MALRD1: variants seen among roughly 807,000 people sequenced by gnomAD.
MALRD1 encodes the protein MAM and LDL-receptor class A domain-containing protein 1.
In MALRD1, 247 loss-of-function variants were observed where a neutral mutation model predicts 242.1. The observed-to-expected ratio is 1.02, with a 90% CI of 0.92 to 1.13. The LOEUF (loss-of-function observed/expected upper bound fraction) is 1.13, where lower values mean the gene tolerates loss of function less well. Among genes scored for constraint, MALRD1 ranks in the 50% most tolerant of loss-of-function variants. The probability of loss-of-function intolerance (pLI) is 0.00; values close to 1 mark genes in which losing one functional copy is unlikely to be tolerated. For missense variants in MALRD1, 2,989 were observed against 2,533.1 expected (o/e 1.18, Z -3.86); for synonymous variants, 995 against 866.6 (o/e 1.15, Z -2.60).
intron 18 of MALRD1, among the ~76,000 whole-genome samples, chr10:19,229,448 A>T (rs1837954248): frequency 6.6e-6 from 1 of 152,142 alleles, no homozygotes; most frequent in South Asian, 2.1e-4. Flanking sequence ...GAGAGAAGGC[A>T]ATGGCTCTGC....
At chr10:19,479,224 C>T (rs369834529) in intron 29 of MALRD1, among the ~76,000 whole-genome samples, 10 of 152,082 alleles carry the variant, frequency 6.6e-5, no homozygotes, top group Non-Finnish European at 1.5e-5. Flanking sequence ...TTATCTGTTA[C>T]AGAGTAAAGA....
At position 19,136,623 on chromosome 10, in the gene MALRD1, A is replaced by G; in HGVS notation, c.1253A>G (p.Asp418Gly). 2 of 1,231,614 alleles carry G rather than the reference A, an allele frequency of 1.6e-6. No homozygotes were observed. The highest frequency in any genetic ancestry group is 1.6e-5 in the African/African-American group (1 of 64,476). The allele number at this position is 1,231,614 out of a possible 1,614,324, so 76.3% of individuals were successfully genotyped here. A position where few individuals can be genotyped will look rare whatever the true frequency, so the allele number is the denominator to read the frequency against. Residue 418 changes from aspartate (D) to glycine (G), a missense_variant, in exon 10 of 40, where the codon GAT (aspartate) becomes GGT (glycine). Physicochemically the swap from Asp to Gly is moderately conservative, Grantham distance 94. Transcript: ENST00000454679. ...AGCCAGAGAAGTTTTATTGCCCTTG[A>G]TCACCTCTGGGTCTATGCCTGTGGA... ...LLSQRSFIALDHLWVYACGQT... is the reference protein window; with the variant it reads ...LLSQRSFIALGHLWVYACGQT...
intron 26 of MALRD1, among the ~76,000 whole-genome samples, chr10:19,378,211 G>A (rs188142511): frequency 1.1e-4 from 17 of 152,202 alleles, no homozygotes; most frequent in Admixed American, 2.0e-4. Context: ...TAAACAATAT[G>A]TATTCAATTA....
intron 34 of MALRD1, among the ~76,000 whole-genome samples, chr10:19,602,587 G>C (rs1181242534): frequency 2.0e-5 from 3 of 151,876 alleles, no homozygotes. Flanking sequence ...TCTTAATCCA[G>C]TCTATCATTG....
chr10:19,167,239 G>A (rs982908595), intron 13 of MALRD1, among the ~76,000 whole-genome samples: 12 of 152,004 alleles, frequency 7.9e-5, no homozygotes, highest in Admixed American at 3.3e-4. Context: ...CGTGCCTGTA[G>A]TCCCAGCTAC....
chr10:19,626,512 A>G (rs1348998011), intron 36 of MALRD1, among the ~76,000 whole-genome samples: 2 of 152,048 alleles, frequency 1.3e-5, no homozygotes, highest in African/African-American at 2.4e-5. Flanking sequence ...AGCGAGATAG[A>G]TGGACATAAG....
At chr10:19,640,016 G>T (rs2131675337) in intron 36 of MALRD1, among the ~76,000 whole-genome samples, 1 of 152,276 alleles carries the variant, frequency 6.6e-6, no homozygotes, top group South Asian at 2.1e-4. Context: ...AATGCATAGG[G>T]AGTAAATGCA....
chr10:19,083,752 G>A (rs894966719), intron 2 of MALRD1, among the ~76,000 whole-genome samples: 28 of 151,886 alleles, frequency 1.8e-4, no homozygotes, highest in Admixed American at 6.6e-4. Flanking sequence ...AAAGTTAAAT[G>A]TGAAACTGGA....
At chr10:19,142,483 T>G (rs1240889119) in intron 10 of MALRD1, among the ~76,000 whole-genome samples, 1 of 152,174 alleles carries the variant, frequency 6.6e-6, no homozygotes, top group African/African-American at 2.4e-5. Context: ...AAATTCTTTC[T>G]TGTCTGCCCA....
At chr10:19,531,493 T>G in intron 32 of MALRD1, 142 bp downstream of exon 32, 2 of 811,528 alleles carry the variant, frequency 2.5e-6, no homozygotes, top group Non-Finnish European at 3.6e-6. Flanking sequence ...TCTGGGGCAG[T>G]GGGACTTTGG....
chr10:19,058,751 T>G (rs1180469630), intron 1 of MALRD1, among the ~76,000 whole-genome samples: 2 of 152,046 alleles, frequency 1.3e-5, no homozygotes, highest in African/African-American at 4.8e-5. Flanking sequence ...GAAATGACCA[T>G]GTATGATGAA....
chr10:19,673,763 T>A (rs1842025547), intron 36 of MALRD1, among the ~76,000 whole-genome samples: 1 of 152,174 alleles, frequency 6.6e-6, no homozygotes, highest in Non-Finnish European at 1.5e-5. Flanking sequence ...GTTACTTTTT[T>A]ATGATTTATA....
intron 36 of MALRD1, among the ~76,000 whole-genome samples, chr10:19,664,288 G>T (rs1326974): frequency 0.028 from 4,327 of 152,072 alleles, 197 homozygotes; most frequent in African/African-American, 0.088. Context: ...TGATTAATTA[G>T]ATCTAATTTA....
At chr10:19,534,794 C>A (rs554908360) in intron 32 of MALRD1, among the ~76,000 whole-genome samples, 1 of 151,932 alleles carries the variant, frequency 6.6e-6, no homozygotes, top group Non-Finnish European at 1.5e-5. Flanking sequence ...ATATTACTTA[C>A]TAAAATATTT....
intron 28 of MALRD1, among the ~76,000 whole-genome samples, chr10:19,428,727 A>C (rs1220307441): frequency 6.6e-6 from 1 of 152,254 alleles, no homozygotes; most frequent in Non-Finnish European, 1.5e-5. Context: ...TACATTATTT[A>C]AACCGCAAGC....
chr10:19,155,488 A>G (rs1834110156), intron 12 of MALRD1, among the ~76,000 whole-genome samples: 1 of 152,340 alleles, frequency 6.6e-6, no homozygotes, highest in African/African-American at 2.4e-5. Context: ...TGAGAAAAAT[A>G]AAGTCAGTTA....
chr10:19,439,759 C>T (rs1005227803), intron 28 of MALRD1, among the ~76,000 whole-genome samples: 1 of 151,906 alleles, frequency 6.6e-6, no homozygotes. Flanking sequence ...TTGAATGTGT[C>T]ATATTTTTCA....
intron 14 of MALRD1, among the ~76,000 whole-genome samples, chr10:19,198,594 G>A (rs993618330): frequency 2.6e-5 from 4 of 152,136 alleles, no homozygotes; most frequent in Admixed American, 2.6e-4. Context: ...GAACAAAGGG[G>A]CAGTTAACGG....
At chr10:19,327,446 C>A in intron 22 of MALRD1, 117 bp from the exon 23 acceptor site, 1 of 688,480 alleles carries the variant, frequency 1.5e-6, no homozygotes, top group Non-Finnish European at 2.4e-6. Context: ...CTCTTCTCTC[C>A]AGGACTTCAT....
Sources: gnomAD v4.1 joint callset for allele counts (sites outside exome capture counted in the v4.1 genomes callset) on GRCh38, gnomAD v4.1.1 for gene constraint, MANE v1.5 for transcripts, NCBI Gene and HGNC (gene_info 2026-07-23, HGNC 2026-07-21) for gene names.